Variants in DCAF13 observed in about 807,000 individuals in gnomAD.
DCAF13 encodes the protein DDB1 and CUL4 associated factor 13, also known as DDB1- and CUL4-associated factor 13.
Under a neutral mutation model 59.0 loss-of-function variants are expected in DCAF13, and 38 were observed. That is an observed-to-expected ratio of 0.64 (90% CI 0.50 to 0.84). The LOEUF is 0.84. Ranked by LOEUF, DCAF13 falls within the 40% of genes least tolerant of loss-of-function variation. The pLI is 0.00. For synonymous variants in DCAF13, 173 were observed against 175.0 expected (o/e 0.99, Z 0.09); for missense variants, 469 against 558.4 (o/e 0.84, Z 1.61).
intron 2 of DCAF13, among the ~76,000 whole-genome samples, 176 bp from the exon 3 acceptor site, chr8:103,420,799 C>T (rs1816712192): frequency 6.6e-6 from 1 of 152,146 alleles, no homozygotes; most frequent in East Asian, 1.9e-4. Context: ...GAGTATTTGT[C>T]AGGTTGTATT....
chr8:103,420,108 A>G (rs895124264), intron 1 of DCAF13, among the ~76,000 whole-genome samples, 156 bp from the exon 2 acceptor site: 2 of 152,026 alleles, frequency 1.3e-5, no homozygotes. Flanking sequence ...TTTCAGAAAG[A>G]TTTCTGAACA....
intron 7 of DCAF13, among the ~76,000 whole-genome samples, 161 bp from the exon 8 acceptor site, chr8:103,435,465 G>T (rs1816920336): frequency 6.6e-6 from 1 of 152,062 alleles, no homozygotes; most frequent in South Asian, 2.1e-4. Context: ...AAAAACTGTT[G>T]AAATTTTTCC....
chr8:103,418,868 T>G (rs4634606), intron 1 of DCAF13, among the ~76,000 whole-genome samples: 1 of 12,512 alleles, frequency 8.0e-5, no homozygotes, highest in Non-Finnish European at 1.7e-4. Flanking sequence ...ATATATATAT[T>G]TTTTTTTTTT....
At chr8:103,438,246 G>A (rs1210272881) in intron 8 of DCAF13, among the ~76,000 whole-genome samples, 4 of 152,146 alleles carry the variant, frequency 2.6e-5, no homozygotes. Context: ...CAAAAGCAGA[G>A]CACTGAGCGG....
intron 1 of DCAF13, 27 bp downstream of exon 1, chr8:103,415,543 G>A (rs974550050): frequency 4.4e-6 from 7 of 1,576,420 alleles, no homozygotes; most frequent in African/African-American, 1.3e-5. Flanking sequence ...GGGAGAAAGG[G>A]ACGGTTTCCG....
chr8:103,423,328 A>T (rs72675464), intron 3 of DCAF13, among the ~76,000 whole-genome samples: 15,071 of 147,742 alleles, frequency 0.1, 866 homozygotes, highest in Middle Eastern at 0.24. Flanking sequence ...AATGAATTTT[A>T]AAAAAAAAAG....
chr8:103,439,089 G>T (rs1457763909), intron 8 of DCAF13, among the ~76,000 whole-genome samples: 1 of 151,976 alleles, frequency 6.6e-6, no homozygotes, highest in Non-Finnish European at 1.5e-5. Context: ...CTCACTGCAA[G>T]CTCCGCCTCC....
chr8:103,436,235 TC>T (rs1816930890), intron 8 of DCAF13, among the ~76,000 whole-genome samples: 1 of 152,192 alleles, frequency 6.6e-6, no homozygotes, highest in South Asian at 2.1e-4. Flanking sequence ...AGTTTTTTGC[TC>T]CAATACAGTT....
intron 5 of DCAF13, 71 bp from the exon 6 acceptor site, chr8:103,430,541 T>C (rs780640550): frequency 1.0e-6 from 1 of 991,554 alleles, no homozygotes; most frequent in Non-Finnish European, 1.5e-6. Context: ...ATTAAATCAT[T>C]TGTTTACTGA....
In DCAF13 at chr8:103,441,825, G is replaced by A. The variant is rs956089001; in HGVS notation, c.1250+207G>A. On this transcript the variant is annotated intron_variant, in intron 10 of 10. Transcript: ENST00000612750. ...CGGAGTCTCGCTCTGGAGTGCAGTG[G>A]CACAATCTTGGTTCACTGCAAGCTC... The A allele has an allele frequency of 2.9e-5, 14 of 482,176 alleles. No homozygotes were observed. In the South Asian group the frequency reaches 3.8e-4, roughly 13 times the overall value. The allele number at this position is 482,176 out of a possible 1,614,324, so 29.9% of individuals were successfully genotyped here.
intron 4 of DCAF13, among the ~76,000 whole-genome samples, chr8:103,426,621 A>C (rs1816795749): frequency 6.6e-6 from 1 of 152,180 alleles, no homozygotes; most frequent in Admixed American, 6.5e-5. Flanking sequence ...TGGGTGGTTT[A>C]GTTTTAGCAT....
chr8:103,415,655 G>T (rs1816599779), intron 1 of DCAF13, 139 bp downstream of exon 1: 7 of 806,940 alleles, frequency 8.7e-6, no homozygotes, highest in Admixed American at 2.9e-5. Flanking sequence ...GGCAAACTTT[G>T]TGCTTACGGA....
Position 103,420,375 on chromosome 8 carries a change from C to T in DCAF13, c.182C>T (p.Ser61Leu), listed in dbSNP as rs1421870829. ...ERVFAKPFLA[S>L]LDGHRDGVNC... The stretch of plus-strand genomic sequence containing the variant: ...GTATTTGCAAAACCATTCCTTGCTT[C>T]GCTGGATGGTCACCGTGATGGAGTC... The change falls in exon 2 of 11, where the codon TCG becomes TTG. Residue 61 changes from serine to leucine, a missense_variant. By Grantham distance (145) the Ser-to-Leu change is moderately radical. Transcript: ENST00000612750. 7 of 1,614,124 alleles carry T rather than the reference C, an allele frequency of 4.3e-6. No individual in the cohort carries two copies. The South Asian group carries it at 4.4e-5, about 10-fold the overall frequency.
At chr8:103,421,768 G>A (rs1216549197) in intron 3 of DCAF13, among the ~76,000 whole-genome samples, 2 of 152,130 alleles carry the variant, frequency 1.3e-5, no homozygotes, top group East Asian at 3.8e-4. Context: ...TTGTCTTCAA[G>A]GTTTATCCAT....
rs749205095 is a variant in DCAF13 at position 103,435,770 on chromosome 8, T to C, written c.930T>C (p.Pro310=). The C allele has an allele frequency of 4.3e-6, 7 of 1,613,584 alleles. No individual in the cohort carries two copies. In the Admixed American group the frequency reaches 6.7e-5, roughly 15 times the overall value. ...TCGATAAATCTATTCGAATCTTTCC[T>C]GTAGACAAAAGTCGAAGCAGGTATG... ...ASFDKSIRIF[P]VDKSRSREVY... Residue 310 remains proline (P), a synonymous_variant, in exon 8 of 11, where the codon CCT becomes CCC. Coordinates refer to ENST00000612750, the MANE Select transcript of DCAF13 (RefSeq NM_015420.7).
intron 10 of DCAF13, 35 bp from the exon 11 acceptor site, chr8:103,442,760 A>G: frequency 2.1e-6 from 3 of 1,440,610 alleles, no homozygotes; most frequent in South Asian, 1.4e-5. Context: ...ATGAGTTCCC[A>G]TAACTTGCTT....
chr8:103,442,670 A>G (rs935769656), intron 10 of DCAF13, 125 bp from the exon 11 acceptor site: 14 of 576,910 alleles, frequency 2.4e-5, no homozygotes, highest in African/African-American at 1.7e-4. Flanking sequence ...ACCTATTGTC[A>G]TCGTGAAAAT....
intron 5 of DCAF13, chr8:103,427,700 A>G (rs1414669979): frequency 6.3e-6 from 1 of 159,730 alleles, no homozygotes; most frequent in Non-Finnish European, 1.4e-5. Context: ...AACATTTGTG[A>G]TTATTGTTGA....
chr8:103,426,129 A>G lies in DCAF13; in HGVS notation c.452A>G (p.His151Arg), dbSNP rs1017084556. The G allele has an allele frequency of 2.5e-6, 4 of 1,609,506 alleles. No homozygotes were observed. Among genetic ancestry groups the G allele is most frequent in the Non-Finnish European group, 3.4e-6 (4 of 1,177,070 alleles). Reference protein sequence around the residue: ...PGYGDEEEPLHTILGKTVYTG... With the variant: ...PGYGDEEEPLRTILGKTVYTG... ...TATGGAGACGAGGAAGAGCCATTAC[A>G]TACAATATTAGGAAAGGTACAAAAG... The change falls in exon 4 of 11, where the codon CAT becomes CGT. Residue 151 changes from histidine (H) to arginine (R), a missense_variant. Coordinates refer to ENST00000612750, the MANE Select transcript of DCAF13 (RefSeq NM_015420.7).
Sources: allele counts gnomAD v4.1 joint callset (sites outside exome capture counted in the v4.1 genomes callset), GRCh38; gene constraint gnomAD v4.1.1; transcripts MANE v1.5; gene names NCBI Gene and HGNC (gene_info 2026-07-23, HGNC 2026-07-21).